Variants in ZDHHC3 observed in about 807,000 individuals in gnomAD.
ZDHHC3 encodes zDHHC palmitoyltransferase 3, also known as palmitoyltransferase ZDHHC3.
In ZDHHC3, 9 loss-of-function variants were observed where a neutral mutation model predicts 30.6. That is an observed-to-expected ratio of 0.29 (90% CI 0.18 to 0.51). The LOEUF (loss-of-function observed/expected upper bound fraction) is 0.51. Ranked by LOEUF, ZDHHC3 falls within the 20% of genes least tolerant of loss-of-function variation. The pLI is 0.97. For missense variants in ZDHHC3, 246 were observed against 384.2 expected, an observed-to-expected ratio of 0.64 and a Z score of 3.01; for synonymous variants, 136 against 140.2, an observed-to-expected ratio of 0.97 and a Z score of 0.21.
chr3:44,964,813 T>A (rs985738083), intron 1 of ZDHHC3, among the ~76,000 whole-genome samples: 1 of 152,260 alleles, frequency 6.6e-6, no homozygotes, highest in Non-Finnish European at 1.5e-5. Context: ...GTAACTTGAA[T>A]TATAGTAATC....
At chr3:44,969,127 A>G (rs938048751) in intron 1 of ZDHHC3, among the ~76,000 whole-genome samples, 4 of 152,102 alleles carry the variant, frequency 2.6e-5, no homozygotes, top group Admixed American at 2.6e-4. Context: ...TGACGGTGAT[A>G]CTCTCATAGT....
rs1700407958 is a variant in ZDHHC3, at chr3:44,918,999, T to A, written c.*7690A>T. ...GGAATTTGCTGTGGGTTTGCTGGGCTTGGGCACTGCTCCTTCACATGACTC... is the reference window on the plus strand; with the variant it reads ...GGAATTTGCTGTGGGTTTGCTGGGCATGGGCACTGCTCCTTCACATGACTC... On this transcript the variant is annotated 3_prime_UTR_variant, in exon 7 of 7. Transcript: ENST00000424952. 2 of 985,408 alleles carry A rather than the reference T, an allele frequency of 2.0e-6. No individual in the cohort carries two copies. Among genetic ancestry groups the A allele is most frequent in the Non-Finnish European group, 2.4e-6 (2 of 829,996 alleles). 61.0% of individuals were successfully genotyped at this position (985,408 alleles called of 1,614,324 possible). A position where few individuals can be genotyped will look rare whatever the true frequency, so the allele number is the denominator to read the frequency against.
In ZDHHC3 at chr3:44,959,525, A is replaced by C; in HGVS notation, c.-24-65T>G. 1 of 1,449,128 alleles carries C rather than the reference A, an allele frequency of 6.9e-7. No individual in the cohort carries two copies. The allele number at this position is 1,449,128 out of a possible 1,614,324, so 89.8% of individuals were successfully genotyped here. On this transcript the variant is annotated intron_variant, in intron 1 of 6. Coordinates refer to ENST00000424952, the MANE Select transcript of ZDHHC3 (RefSeq NM_001135179.2). This position sits in a 1 kb window ranked among gnomAD's most constrained non-coding sequence, Gnocchi z 4.3. ...CTTGTCATCAAGGAGGTTTGACAAA[A>C]TTGCTCCCATAGTGAGTTGTGATTA...
intron 6 of ZDHHC3, 54 bp from the exon 7 acceptor site, chr3:44,926,901 T>C: frequency 4.6e-6 from 7 of 1,528,528 alleles, no homozygotes; most frequent in Non-Finnish European, 6.1e-6. Context: ...CTGTGGTTTC[T>C]GGGGAGGGAT....
intron 2 of ZDHHC3, among the ~76,000 whole-genome samples, chr3:44,956,242 AGAAACCAATGAC>A (rs1301536817): frequency 6.6e-6 from 1 of 152,176 alleles, no homozygotes; most frequent in Non-Finnish European, 1.5e-5. Context: ...CATGCCTTAC[AGAAACCAATGAC>A]CTCCACACAC....
chr3:44,935,510 C>T (rs1278336004), intron 3 of ZDHHC3, among the ~76,000 whole-genome samples: 2 of 152,234 alleles, frequency 1.3e-5, no homozygotes, highest in South Asian at 2.1e-4. Context: ...AATCCACCTG[C>T]TTTGGCCTCC....
intron 2 of ZDHHC3, chr3:44,958,591 G>A (rs962339570): frequency 6.5e-7 from 1 of 1,536,124 alleles, no homozygotes; most frequent in Admixed American, 2.0e-5. Context: ...TATTCACCAA[G>A]AGGCACTTGC....
chr3:44,952,235 C>A (rs1161167936), intron 2 of ZDHHC3, among the ~76,000 whole-genome samples: 1 of 152,116 alleles, frequency 6.6e-6, no homozygotes, highest in Non-Finnish European at 1.5e-5. Context: ...ACCAATTCCT[C>A]TAATCCTCTT....
At chr3:44,935,723 C>A (rs1701904232) in intron 3 of ZDHHC3, among the ~76,000 whole-genome samples, 1 of 152,130 alleles carries the variant, frequency 6.6e-6, no homozygotes, top group East Asian at 1.9e-4. Context: ...TTGTATCAGC[C>A]CGCTCCTTTT....
In ZDHHC3 at chr3:44,922,068, G is replaced by C; in HGVS notation, c.*4621C>G. The C allele has an allele frequency of 1.0e-6, 1 of 985,454 alleles. No individual in the cohort carries two copies. The highest frequency in any genetic ancestry group is 1.2e-6 in the Non-Finnish European group (1 of 829,920). The allele number at this position is 985,454 out of a possible 1,614,324, so 61.0% of individuals were successfully genotyped here. A position where few individuals can be genotyped will look rare whatever the true frequency, so the allele number is the denominator to read the frequency against. On this transcript the variant is annotated 3_prime_UTR_variant, in exon 7 of 7. Transcript: ENST00000424952. ...GTCAGCAAGATGTTTACTTGAGGGA[G>C]AGGGTGAGAAAAAGAAGGTTCAGGT... is the stretch of plus-strand genomic sequence containing the variant.
At position 44,916,236 on chromosome 3, in the gene ZDHHC3, GAACACTGGGCCCTTTGAGCAATT is replaced by G. The variant is rs1477902419; in HGVS notation, c.*10430_*10452del. 8 of 152,348 alleles carry G rather than the reference GAACACTGGGCCCTTTGAGCAATT, an allele frequency of 5.3e-5. No homozygotes were observed. In the East Asian group the frequency reaches 1.2e-3, roughly 22 times the overall value. The allele number at this position is 152,348 out of a possible 1,614,324, so 9.4% of individuals were successfully genotyped here. ...AGGGTTAGGGCAGAGGTGGCTTTGT[GAACACTGGGCCCTTTGAGCAATT>G]AACCCCAGGCCCTAGTGGGTCATCA... On this transcript the variant is annotated 3_prime_UTR_variant, in exon 7 of 7. Transcript: ENST00000424952.
intron 2 of ZDHHC3, among the ~76,000 whole-genome samples, chr3:44,952,685 C>G (rs965539854): frequency 1.3e-5 from 2 of 152,210 alleles, no homozygotes; most frequent in African/African-American, 4.8e-5. Flanking sequence ...TTTCTACCCT[C>G]AGGGGCTCCA....
At chr3:44,954,109 T>C (rs888545174) in intron 2 of ZDHHC3, among the ~76,000 whole-genome samples, 1 of 151,974 alleles carries the variant, frequency 6.6e-6, no homozygotes, top group African/African-American at 2.4e-5. Flanking sequence ...CAATGACTTT[T>C]GGCAGCTGAA....
chr3:44,926,895 G>T lies in ZDHHC3; in HGVS notation c.742-48C>A, dbSNP rs756529513. On this transcript the variant is annotated intron_variant, in intron 6 of 6. Transcript: ENST00000424952. ...TTTCAGTCAAGCACTGCATTGCTGT[G>T]GTTTCTGGGGAGGGATGTCCGCAGC... 5.2e-6 allele frequency: 8 copies of T among 1,537,528 alleles called. No individual in the cohort carries two copies. The South Asian group carries it at 9.0e-5, about 17-fold the overall frequency.
rs931442276 is a variant in ZDHHC3, at chr3:44,926,912, G to A, written c.742-65C>T. ...ATTGCTGTGGTTTCTGGGGAGGGATGTCCGCAGCGACAGGTGAATGGAGTA... is the reference window on the plus strand; with the variant it reads ...ATTGCTGTGGTTTCTGGGGAGGGATATCCGCAGCGACAGGTGAATGGAGTA... On this transcript the variant is annotated intron_variant, in intron 6 of 6. Transcript: ENST00000424952. The A allele has an allele frequency of 4.4e-5, 67 of 1,515,700 alleles. 1 individual carries two copies. Among genetic ancestry groups the A allele is most frequent in the African/African-American group, 2.6e-4 (19 of 71,920 alleles). The allele number at this position is 1,515,700 out of a possible 1,614,324, so 93.9% of individuals were successfully genotyped here. A position where few individuals can be genotyped will look rare whatever the true frequency, so the allele number is the denominator to read the frequency against.
intron 2 of ZDHHC3, chr3:44,958,577 C>T: frequency 2.0e-6 from 3 of 1,535,868 alleles, no homozygotes; most frequent in Non-Finnish European, 2.6e-6. Flanking sequence ...GCTTTACCCA[C>T]AGATATTCAC....
intron 3 of ZDHHC3, among the ~76,000 whole-genome samples, chr3:44,944,246 T>G (rs1430138025): frequency 1.3e-5 from 2 of 151,114 alleles, no homozygotes; most frequent in Non-Finnish European, 3.0e-5. Context: ...GCCTCCCGGG[T>G]TCAAGCGATT....
intron 4 of ZDHHC3, chr3:44,933,552 CT>C (rs1701684645): frequency 1.9e-6 from 1 of 535,456 alleles, no homozygotes; most frequent in Non-Finnish European, 3.3e-6. Flanking sequence ...CCTTCTAGTC[CT>C]TGCACTAAGT....
intron 6 of ZDHHC3, among the ~76,000 whole-genome samples, chr3:44,927,745 T>C (rs989037643): frequency 6.6e-6 from 1 of 152,188 alleles, no homozygotes; most frequent in African/African-American, 2.4e-5. Flanking sequence ...GGGCAGGGCT[T>C]GAGAACGGGG....
Sources: allele counts gnomAD v4.1 joint callset (sites outside exome capture counted in the v4.1 genomes callset), GRCh38; gene constraint gnomAD v4.1.1; non-coding constraint Gnocchi (gnomAD v3.1); transcripts MANE v1.5; gene names NCBI Gene and HGNC (gene_info 2026-07-23, HGNC 2026-07-21).